The following CD74 variants were observed in gnomAD, a reference collection of about 807,000 sequenced individuals.
CD74 encodes CD74 molecule, also known as HLA class II histocompatibility antigen gamma chain.
Under a neutral mutation model 37.1 loss-of-function variants are expected in CD74, and 20 were observed. That is an observed-to-expected ratio of 0.54 (90% CI 0.38 to 0.78). The LOEUF is 0.78. Among genes scored for constraint, CD74 ranks in the 30% least tolerant of loss-of-function variants. The probability of loss-of-function intolerance (pLI) is 0.00; values close to 1 mark genes in which losing one functional copy is unlikely to be tolerated. For synonymous variants in CD74, 150 were observed against 152.0 expected (o/e 0.99, Z 0.10); for missense variants, 338 against 389.5 (o/e 0.87, Z 1.11).
Position 150,406,244 on chromosome 5 carries a change from G to C in CD74, c.441+15C>G, listed in dbSNP as rs993966828. On this transcript the variant is annotated intron_variant, in intron 4 of 8. Transcript: ENST00000009530. ...GTGGGCAGGCAGGACCACCCAGCTA[G>C]CTCCCTGCACTCACCTGGAGCAGGT... 6.2e-7 allele frequency: 1 copy of C among 1,610,684 alleles called. No individual in the cohort carries two copies. Among genetic ancestry groups the C allele is most frequent in the African/African-American group, 1.3e-5 (1 of 74,992 alleles).
rs965133891 is a variant in CD74 at position 150,403,692 on chromosome 5, C to T, written c.626-380G>A. Among the ~76,000 whole-genome samples, 9 of 152,152 alleles carry T rather than the reference C, an allele frequency of 5.9e-5. No homozygotes were observed. Among genetic ancestry groups the T allele is most frequent in the African/African-American group, 1.4e-4 (6 of 41,440 alleles). On this transcript the variant is annotated intron_variant, in intron 6 of 8. Transcript: ENST00000009530. The surrounding 1 kb of genome is among the most constrained non-coding windows in gnomAD (Gnocchi z 4.5). Reference sequence around the variant, plus strand: ...TGGCCAACATGGTGAAACCCTGTCTCTACTAAAAATACAAAAATTAGCTGG... The same window carrying T: ...TGGCCAACATGGTGAAACCCTGTCTTTACTAAAAATACAAAAATTAGCTGG...
At chr5:150,409,707 A>C (rs10062197) in intron 1 of CD74, among the ~76,000 whole-genome samples, 3,434 of 146,756 alleles carry the variant, frequency 0.023, 71 homozygotes, top group South Asian at 0.08. Flanking sequence ...AACATAACAA[A>C]AAAAAAAAAA....
rs376043210 is a variant in CD74 at position 150,407,312 on chromosome 5, G to A, written c.138C>T (p.Arg46=). 29 of 1,608,212 alleles carry A rather than the reference G, an allele frequency of 1.8e-5. No individual in the cohort carries two copies. The highest frequency in any genetic ancestry group is 1.2e-4 in the African/African-American group (9 of 74,796). The change falls in exon 2 of 9, where the codon CGC becomes CGT. Residue 46 remains arginine, a synonymous_variant. Coordinates refer to ENST00000009530, the MANE Select transcript of CD74 (RefSeq NM_001025159.3). The surrounding 1 kb of genome is among the most constrained non-coding windows in gnomAD (Gnocchi z 4.4). ...RPGAPESKCS[R]GALYTGFSIL... ...TGGAAAAGCCTGTGTACAGGGCTCC[G>A]CGGCTGCACTTGCTGTGGGAGGTGG...
In CD74 at chr5:150,407,680, C is replaced by T. The variant is rs1486992950; in HGVS notation, c.126-356G>A. Among the ~76,000 whole-genome samples the T allele has an allele frequency of 6.6e-6, 1 of 152,170 alleles. No individual in the cohort carries two copies. The highest frequency in any genetic ancestry group is 2.4e-5 in the African/African-American group (1 of 41,440). ...GTTGAGGTGGGGGGGTCTTCCCAGG[C>T]TCCCTTTGCCGTGCGGATCTCCTGA... On this transcript the variant is annotated intron_variant, in intron 1 of 8. Coordinates refer to ENST00000009530, the MANE Select transcript of CD74 (RefSeq NM_001025159.3). This position sits in a 1 kb window ranked among gnomAD's most constrained non-coding sequence, Gnocchi z 4.4.
Position 150,401,952 on chromosome 5 carries a change from T to C in CD74, c.*288A>G. 1 of 1,072,274 alleles carries C rather than the reference T, an allele frequency of 9.3e-7. No individual in the cohort carries two copies. Among genetic ancestry groups the C allele is most frequent in the Non-Finnish European group, 1.4e-6 (1 of 723,052 alleles). The allele number at this position is 1,072,274 out of a possible 1,614,324, so 66.4% of individuals were successfully genotyped here. On this transcript the variant is annotated 3_prime_UTR_variant, in exon 9 of 9. Transcript: ENST00000009530. ...GAGCCTAGGTCTTGGAGCCTTGTGT[T>C]GGAGGCTGCTGTGATGTCAGGAACG...
At position 150,402,551 on chromosome 5, in the gene CD74, C is replaced by T. The variant is rs376616834; in HGVS notation, c.880+12G>A. On this transcript the variant is annotated intron_variant, in intron 8 of 8. Transcript: ENST00000009530. The surrounding 1 kb of genome is among the most constrained non-coding windows in gnomAD (Gnocchi z 4.2). Reference sequence around the variant, plus strand: ...CTGCTGGTGACCAGATGCCCCTCTGCAAGGCCCTTACCTGGGCCCAGATCC... The same window carrying T: ...CTGCTGGTGACCAGATGCCCCTCTGTAAGGCCCTTACCTGGGCCCAGATCC... 3.7e-5 allele frequency: 60 copies of T among 1,613,100 alleles called. 1 individual carries two copies. In the African/African-American group the frequency reaches 6.9e-4, roughly 19 times the overall value.
Position 150,402,641 on chromosome 5 carries a change from A to C in CD74, c.818-16T>G. On this transcript the variant is annotated splice_polypyrimidine_tract_variant and intron_variant, in intron 7 of 8. Transcript: ENST00000009530. The surrounding 1 kb of genome is among the most constrained non-coding windows in gnomAD (Gnocchi z 4.2). ...TCCAGTGACTCTGCAAAGGAGCAGC[A>C]AGTCCGTTTGTCACTTGAAGTGCAG... 6.3e-7 allele frequency: 1 copy of C among 1,597,896 alleles called. No individual in the cohort carries two copies.
rs759889850 is a variant in CD74, at chr5:150,402,536, C to G, written c.880+27G>C. 6.2e-7 allele frequency: 1 copy of G among 1,604,970 alleles called. No individual in the cohort carries two copies. Among genetic ancestry groups the G allele is most frequent in the Admixed American group, 1.7e-5 (1 of 60,012 alleles). On this transcript the variant is annotated intron_variant, in intron 8 of 8. Transcript: ENST00000009530. This position sits in a 1 kb window ranked among gnomAD's most constrained non-coding sequence, Gnocchi z 4.2. ...CCTGCTGGGGATGAGCTGCTGGTGA[C>G]CAGATGCCCCTCTGCAAGGCCCTTA...
intron 4 of CD74, 184 bp from the exon 5 acceptor site, chr5:150,405,364 C>CT: frequency 7.7e-7 from 1 of 1,302,948 alleles, no homozygotes; most frequent in South Asian, 2.5e-5. Context: ...GGTAGTCCAG[C>CT]TGTTCAGCTA....
rs1185994777 is a variant in CD74, at chr5:150,402,918, T to C, written c.817+203A>G. On this transcript the variant is annotated intron_variant, in intron 7 of 8. Coordinates refer to ENST00000009530, the MANE Select transcript of CD74 (RefSeq NM_001025159.3). The surrounding 1 kb of genome is among the most constrained non-coding windows in gnomAD (Gnocchi z 4.2). ...GGATAAGTGAACAAATATGAGTGCA[T>C]GTAAGAGGAGAGATGATAAATGGAC... 6.6e-6 allele frequency among the ~76,000 whole-genome samples: 1 copy of C among 152,018 alleles called. No homozygotes were observed. Among genetic ancestry groups the C allele is most frequent in the African/African-American group, 2.4e-5 (1 of 41,300 alleles).
intron 1 of CD74, among the ~76,000 whole-genome samples, chr5:150,411,671 C>T (rs990183807): frequency 1.3e-5 from 2 of 152,152 alleles, no homozygotes; most frequent in Admixed American, 6.5e-5. Context: ...TGGCCTCTGG[C>T]TGCAAGGGAG....
chr5:150,408,395 C>T (rs1379551961), intron 1 of CD74, among the ~76,000 whole-genome samples: 2 of 152,216 alleles, frequency 1.3e-5, no homozygotes, highest in Non-Finnish European at 2.9e-5. Context: ...CCCTGCCAAT[C>T]TCTGTGCCTC....
chr5:150,407,121 G>T lies in CD74; in HGVS notation c.298+31C>A, dbSNP rs771385899. On this transcript the variant is annotated intron_variant, in intron 2 of 8. Transcript: ENST00000009530. This position sits in a 1 kb window ranked among gnomAD's most constrained non-coding sequence, Gnocchi z 4.4. ...TCTGAGTTGAGGGATGGTGGGAGGT[G>T]GGGGGTATCAGGATGTAGGGGTGCA... 4.4e-6 allele frequency: 7 copies of T among 1,600,388 alleles called. No individual in the cohort carries two copies. The South Asian group carries it at 6.6e-5, about 15-fold the overall frequency.
Position 150,402,191 on chromosome 5 carries a change from C to T in CD74, c.*49G>A. 1 of 1,588,178 alleles carries T rather than the reference C, an allele frequency of 6.3e-7. No individual in the cohort carries two copies. Among genetic ancestry groups the T allele is most frequent in the South Asian group, 1.1e-5 (1 of 87,036 alleles). On this transcript the variant is annotated 3_prime_UTR_variant, in exon 9 of 9. Coordinates refer to ENST00000009530, the MANE Select transcript of CD74 (RefSeq NM_001025159.3). The surrounding 1 kb of genome is among the most constrained non-coding windows in gnomAD (Gnocchi z 4.2). The stretch of plus-strand genomic sequence containing the variant: ...CTGGGGGCTGAAGGGAGCAAGAAAG[C>T]TGTAGCTGTGTGGGGCTGGCAGGAT...
At chr5:150,411,281 G>T (rs1270069525) in intron 1 of CD74, among the ~76,000 whole-genome samples, 1 of 152,162 alleles carries the variant, frequency 6.6e-6, no homozygotes, top group Non-Finnish European at 1.5e-5. Flanking sequence ...CTGAGACTCA[G>T]GGAGAGGCAG....
At chr5:150,409,509 AGAGT>A (rs1770203075) in intron 1 of CD74, among the ~76,000 whole-genome samples, 1 of 151,062 alleles carries the variant, frequency 6.6e-6, no homozygotes, top group Admixed American at 6.6e-5. Context: ...CCTGGGCAAC[AGAGT>A]GAGGCTCCAT....
intron 3 of CD74, 45 bp downstream of exon 3, chr5:150,406,836 G>A: frequency 3.1e-6 from 4 of 1,299,888 alleles, no homozygotes; most frequent in Non-Finnish European, 4.2e-6. Context: ...CCTCCATCCA[G>A]GCGGGATAAC....
In CD74 at chr5:150,405,326, TGGGAG is replaced by T; in HGVS notation, c.442-151_442-147del. On this transcript the variant is annotated intron_variant, in intron 4 of 8. Coordinates refer to ENST00000009530, the MANE Select transcript of CD74 (RefSeq NM_001025159.3). ...CCTAAACCCTGGACTTCAGCCATGA[TGGGAG>T]GGGAGGGGAGGGTACGGGTAAGGGT... is the stretch of plus-strand genomic sequence containing the variant. 2.2e-6 allele frequency: 3 copies of T among 1,365,732 alleles called. No homozygotes were observed. In the South Asian group the frequency reaches 5.7e-5, roughly 26 times the overall value. The allele number at this position is 1,365,732 out of a possible 1,614,324, so 84.6% of individuals were successfully genotyped here. A position where few individuals can be genotyped will look rare whatever the true frequency, so the allele number is the denominator to read the frequency against.
intron 6 of CD74, among the ~76,000 whole-genome samples, chr5:150,404,194 G>A (rs1290463967): frequency 2.0e-5 from 3 of 152,198 alleles, no homozygotes; most frequent in African/African-American, 7.2e-5. Context: ...AGACAGCACC[G>A]GGATAGAAAC....
Sources: allele counts gnomAD v4.1 joint callset (sites outside exome capture counted in the v4.1 genomes callset), GRCh38; gene constraint gnomAD v4.1.1; non-coding constraint Gnocchi (gnomAD v3.1); transcripts MANE v1.5; gene names NCBI Gene and HGNC (gene_info 2026-07-23, HGNC 2026-07-21).